Variants in CTSB observed in about 807,000 individuals in gnomAD.
The protein encoded by CTSB is APP secretase.
A neutral mutation model predicts 44.3 loss-of-function variants in CTSB; 57 were observed. The ratio of observed to expected loss-of-function variants is 1.29; its 90% CI spans 1.04 to 1.60. CTSB has a LOEUF of 1.60. Ranked by LOEUF, CTSB falls within the 40% of genes most tolerant of loss-of-function variation. The pLI is 0.00. For missense variants in CTSB, 768 were observed against 443.0 expected, an observed-to-expected ratio of 1.73 and a Z score of -6.59; for synonymous variants, 320 against 168.0, an observed-to-expected ratio of 1.91 and a Z score of -7.00.
At chr8:11,848,302 C>G (rs1813841428) in intron 5 of CTSB, 150 bp from the exon 6 acceptor site, 1 of 716,372 alleles carries the variant, frequency 1.4e-6, no homozygotes, top group East Asian at 2.7e-5. Flanking sequence ...CCCAAACCCT[C>G]CAAGGGACGC....
intron 4 of CTSB, among the ~76,000 whole-genome samples, chr8:11,849,811 C>T (rs1430369981): frequency 6.6e-6 from 1 of 151,984 alleles, no homozygotes; most frequent in African/African-American, 2.4e-5. Flanking sequence ...AAACTCCTGA[C>T]CTCAGGTGAT....
At chr8:11,858,671 A>T (rs1381588875) in intron 1 of CTSB, among the ~76,000 whole-genome samples, 2 of 152,170 alleles carry the variant, frequency 1.3e-5, no homozygotes, top group African/African-American at 4.8e-5. Context: ...GACTGCTGAG[A>T]ACTCAAAAAG....
At position 11,868,034 on chromosome 8, in the gene CTSB, T is replaced by G. The variant is rs1817437541; in HGVS notation, c.-59A>C. ...GCAGCCGAGAGCCTGCAGCCCAGCCTGCGCGCAGCGGAGCGGTTGGCGTTG... is the reference window on the plus strand; with the variant it reads ...GCAGCCGAGAGCCTGCAGCCCAGCCGGCGCGCAGCGGAGCGGTTGGCGTTG... On this transcript the variant is annotated 5_prime_UTR_variant, in exon 1 of 10. Coordinates refer to ENST00000353047, the MANE Select transcript of CTSB (RefSeq NM_001908.5). 3 of 152,492 alleles carry G rather than the reference T, an allele frequency of 2.0e-5. No individual in the cohort carries two copies. The highest frequency in any genetic ancestry group is 4.4e-5 in the Non-Finnish European group (3 of 68,414). The allele number at this position is 152,492 out of a possible 1,614,324, so 9.4% of individuals were successfully genotyped here.
rs189958921 is a variant in CTSB at position 11,863,072 on chromosome 8, G to T, written c.-26+4929C>A. On this transcript the variant is annotated intron_variant, in intron 1 of 9. Transcript: ENST00000353047. ...TCACATCTATAATTCTGACACTTCG[G>T]GAGGCCAAGGTGGGAAGATTGACTG... Among the ~76,000 whole-genome samples, 182 of 152,286 alleles carry T rather than the reference G, an allele frequency of 1.2e-3. 1 individual carries two copies. Among genetic ancestry groups the T allele is most frequent in the African/African-American group, 4.3e-3 (179 of 41,562 alleles).
intron 1 of CTSB, among the ~76,000 whole-genome samples, chr8:11,858,120 A>C (rs1033798128): frequency 6.6e-6 from 1 of 152,092 alleles, no homozygotes; most frequent in East Asian, 1.9e-4. Flanking sequence ...GAATGAAATG[A>C]GGAGGACCAA....
At chr8:11,845,589 G>C (rs1813147827) in intron 9 of CTSB, 72 bp downstream of exon 9, 3 of 1,558,646 alleles carry the variant, frequency 1.9e-6, no homozygotes, top group East Asian at 2.3e-5. Flanking sequence ...GGGTAGAACA[G>C]AGAAAGCCGA....
intron 1 of CTSB, among the ~76,000 whole-genome samples, chr8:11,864,721 C>T (rs567457276): frequency 7.9e-5 from 12 of 152,040 alleles, no homozygotes; most frequent in African/African-American, 1.2e-4. Context: ...CTTTGGGAGG[C>T]GAGGCGGGCA....
intron 1 of CTSB, among the ~76,000 whole-genome samples, chr8:11,865,266 T>C (rs994169005): frequency 6.6e-5 from 10 of 152,200 alleles, no homozygotes; most frequent in Non-Finnish European, 1.2e-4. Flanking sequence ...GGCAGCAGAC[T>C]GGGCGCAGTG....
chr8:11,851,855 C>CG (rs1814648190), intron 3 of CTSB, among the ~76,000 whole-genome samples: 1 of 152,010 alleles, frequency 6.6e-6, no homozygotes, highest in Admixed American at 6.5e-5. Flanking sequence ...TTAGTAGAGA[C>CG]GGGGTTTCAT....
Position 11,853,348 on chromosome 8 carries a change from T to C in CTSB, c.107A>G (p.Lys36Arg), listed in dbSNP as rs1814942971. The C allele has an allele frequency of 6.2e-7, 1 of 1,613,028 alleles. No homozygotes were observed. Among genetic ancestry groups the C allele is most frequent in the Non-Finnish European group, 8.5e-7 (1 of 1,179,826 alleles). The change falls in exon 2 of 10, where the codon AAA becomes AGA. Residue 36 changes from lysine (K) to arginine (R), a missense_variant. Transcript: ENST00000353047. ...GCCTACCTGCCACGTGGTATTCCGT[T>C]TGTTGACATAGTTGACCAGCTCATC... Reference protein sequence around the residue: ...LSDELVNYVNKRNTTWQAGHN... With the variant: ...LSDELVNYVNRRNTTWQAGHN...
intron 1 of CTSB, among the ~76,000 whole-genome samples, chr8:11,854,016 G>A (rs1258075231): frequency 6.6e-6 from 1 of 152,180 alleles, no homozygotes; most frequent in Non-Finnish European, 1.5e-5. Context: ...GGCCTCTCTG[G>A]TTTTTCCAGT....
At chr8:11,862,361 A>G (rs1816562908) in intron 1 of CTSB, 1 of 152,208 alleles carries the variant, frequency 6.6e-6, no homozygotes, top group Non-Finnish European at 1.5e-5. Context: ...CCAGGCTCAG[A>G]GCAGCGCCAT....
In CTSB at chr8:11,853,335, C is replaced by T. The variant is rs756120556; in HGVS notation, c.120G>A (p.Thr40=). 1.7e-5 allele frequency: 28 copies of T among 1,613,296 alleles called. No homozygotes were observed. Among genetic ancestry groups the T allele is most frequent in the African/African-American group, 2.7e-5 (2 of 74,726 alleles). Residue 40 remains threonine (T), a synonymous_variant, in exon 2 of 10, where the codon ACG becomes ACA. Coordinates refer to ENST00000353047, the MANE Select transcript of CTSB (RefSeq NM_001908.5). ...LVNYVNKRNT[T]WQAGHNFYNV... ...ACGCAGCCCCACAGCCTACCTGCCA[C>T]GTGGTATTCCGTTTGTTGACATAGT...
rs1215453827 is a variant in CTSB, at chr8:11,848,119, G to A, written c.480C>T (p.Asn160=). ...AAACCAGGCCTTTTCTTGTCCAGAA[G>A]TTCCAAGCTTCAGCAGGATAGCCAC... is the stretch of plus-strand genomic sequence containing the variant. ...CNGGYPAEAW[N]FWTRKGLVSG... The change falls in exon 6 of 10, where the codon AAC becomes AAT. Residue 160 remains asparagine (N), a synonymous_variant. Coordinates refer to ENST00000353047, the MANE Select transcript of CTSB (RefSeq NM_001908.5). 1.2e-6 allele frequency: 2 copies of A among 1,614,098 alleles called. No individual in the cohort carries two copies. Among genetic ancestry groups the A allele is most frequent in the African/African-American group, 1.3e-5 (1 of 74,932 alleles).
At position 11,852,702 on chromosome 8, in the gene CTSB, G is replaced by A. The variant is rs372595797; in HGVS notation, c.127-7C>T. ...TGTAGAAGTTGTGCCCGGCCTGGAA[G>A]AGAGTCACCCACTGACTGAAGGGTC... On this transcript the variant is annotated splice_polypyrimidine_tract_variant and splice_region_variant and intron_variant, in intron 2 of 9. Transcript: ENST00000353047. 1.9e-5 allele frequency: 30 copies of A among 1,613,226 alleles called. No individual in the cohort carries two copies. Among genetic ancestry groups the A allele is most frequent in the Admixed American group, 3.3e-5 (2 of 59,998 alleles).
Position 11,853,462 on chromosome 8 carries a change from G to A in CTSB, c.-8C>T. On this transcript the variant is annotated 5_prime_UTR_variant, in exon 2 of 10. Coordinates refer to ENST00000353047, the MANE Select transcript of CTSB (RefSeq NM_001908.5). ...GGCCCAGAGCTGCCACATGTTGGAAGCCGGATCCTAGATCCACCTGGAGAG... is the reference window on the plus strand; with the variant it reads ...GGCCCAGAGCTGCCACATGTTGGAAACCGGATCCTAGATCCACCTGGAGAG... 1.2e-6 allele frequency: 2 copies of A among 1,610,840 alleles called. No individual in the cohort carries two copies. The highest frequency in any genetic ancestry group is 1.7e-6 in the Non-Finnish European group (2 of 1,179,334).
Position 11,843,995 on chromosome 8 carries a change from T to C in CTSB, c.*1130A>G, listed in dbSNP as rs1143592. 2.0e-5 allele frequency: 3 copies of C among 152,104 alleles called. No individual in the cohort carries two copies. The highest frequency in any genetic ancestry group is 4.4e-5 in the Non-Finnish European group (3 of 68,064). 9.4% of individuals were successfully genotyped at this position (152,104 alleles called of 1,614,324 possible). On this transcript the variant is annotated 3_prime_UTR_variant, in exon 10 of 10. Transcript: ENST00000353047. The stretch of plus-strand genomic sequence containing the variant: ...TTGCAGTGAGCTGAGAAGGCGCCAC[T>C]GCACTCCAGCCTGGGAGACGGAATC...
At chr8:11,851,528 A>AGGCTTTCTAGGCTTAT in intron 3 of CTSB, among the ~76,000 whole-genome samples, 1 of 151,904 alleles carries the variant, frequency 6.6e-6, no homozygotes, top group Non-Finnish European at 1.5e-5. Flanking sequence ...AGGCTTATGT[A>AGGCTTTCTAGGCTTAT]ATGGATTTTT....
intron 1 of CTSB, among the ~76,000 whole-genome samples, chr8:11,859,235 T>C (rs1006700268): frequency 5.9e-5 from 9 of 152,170 alleles, no homozygotes; most frequent in African/African-American, 2.2e-4. Context: ...AACGTTGTTA[T>C]GTGCCAAAAA....
Sources: allele counts gnomAD v4.1 joint callset (sites outside exome capture counted in the v4.1 genomes callset), GRCh38; gene constraint gnomAD v4.1.1; transcripts MANE v1.5; gene names NCBI Gene and HGNC (gene_info 2026-07-23, HGNC 2026-07-21).